The following ERCC6L2 variants were observed in gnomAD, a reference collection of about 807,000 sequenced individuals.
ERCC6L2 encodes the protein ERCC excision repair 6 like 2, also known as DNA excision repair protein ERCC-6-like 2.
ERCC6L2 carries 77 observed loss-of-function variants against 132.0 expected under a neutral mutation model. That is an observed-to-expected ratio of 0.58 (90% CI 0.49 to 0.71). ERCC6L2 has a LOEUF of 0.71. Among genes scored for constraint, ERCC6L2 ranks in the 30% least tolerant of loss-of-function variants. The pLI is 0.00. For synonymous variants in ERCC6L2, 583 were observed against 632.4 expected (o/e 0.92, Z 1.17); for missense variants, 1,542 against 1,837.6 (o/e 0.84, Z 2.94).
chr9:96,000,818 C>T lies in ERCC6L2; in HGVS notation c.3493-3702C>T, dbSNP rs576915808. Among the ~76,000 whole-genome samples the T allele has an allele frequency of 9.9e-5, 15 of 152,262 alleles. No individual in the cohort carries two copies. In the East Asian group the frequency reaches 2.7e-3, roughly 27 times the overall value. ...GAAAAATTAGCTCGGCCTGTGGGCT[C>T]GTGCTTTGTATGTCTGAAAAGTTCT... On this transcript the variant is annotated intron_variant, in intron 17 of 18. Coordinates refer to ENST00000653738, the MANE Select transcript of ERCC6L2 (RefSeq NM_020207.7).
At chr9:95,914,354 T>TA (rs1829477789) in intron 4 of ERCC6L2, among the ~76,000 whole-genome samples, 1 of 152,262 alleles carries the variant, frequency 6.6e-6, no homozygotes, top group South Asian at 2.1e-4. Context: ...TTTGTTGAGT[T>TA]ATAATAATTT....
In ERCC6L2 at chr9:95,936,797, C is replaced by A. The variant is rs561095965; in HGVS notation, c.1752-4657C>A. Among the ~76,000 whole-genome samples, 17 of 152,220 alleles carry A rather than the reference C, an allele frequency of 1.1e-4. No individual in the cohort carries two copies. The East Asian group carries it at 2.7e-3, about 24-fold the overall frequency. ...TCCTCTCTCCCCTTTCTCCCTGAGC[C>A]CTGGAAACCACTAATCTGTTCTCCA... On this transcript the variant is annotated intron_variant, in intron 11 of 18. Transcript: ENST00000653738.
At position 96,016,370 on chromosome 9, in the gene ERCC6L2, T is replaced by C. The variant is rs191733000; in HGVS notation, c.*3167T>C. On this transcript the variant is annotated 3_prime_UTR_variant, in exon 19 of 19. Coordinates refer to ENST00000653738, the MANE Select transcript of ERCC6L2 (RefSeq NM_020207.7). ...TCATTTCTAAGAAAACCTTTCAACTTTGTTTCCATGATGCTACTTGCCACA... is the reference window on the plus strand; with the variant it reads ...TCATTTCTAAGAAAACCTTTCAACTCTGTTTCCATGATGCTACTTGCCACA... Among the ~76,000 whole-genome samples, 8 of 152,300 alleles carry C rather than the reference T, an allele frequency of 5.3e-5. No homozygotes were observed. Among genetic ancestry groups the C allele is most frequent in the Non-Finnish European group, 1.2e-4 (8 of 68,024 alleles).
chr9:95,931,245 CT>C (rs1830325842), intron 11 of ERCC6L2, among the ~76,000 whole-genome samples: 1 of 152,100 alleles, frequency 6.6e-6, no homozygotes, highest in African/African-American at 2.4e-5. Flanking sequence ...TGTTTCTGCC[CT>C]TTGTAATAAT....
At chr9:95,969,447 T>G (rs781199846) in intron 14 of ERCC6L2, among the ~76,000 whole-genome samples, 6 of 152,110 alleles carry the variant, frequency 3.9e-5, no homozygotes, top group Non-Finnish European at 8.8e-5. Context: ...GCTGTATATA[T>G]TATCCAGGTG....
At chr9:95,892,151 G>GT (rs1190059442) in intron 2 of ERCC6L2, among the ~76,000 whole-genome samples, 2 of 151,658 alleles carry the variant, frequency 1.3e-5, no homozygotes, top group South Asian at 2.1e-4. Flanking sequence ...TCTACTCCTT[G>GT]TTTTTTTCAC....
intron 2 of ERCC6L2, among the ~76,000 whole-genome samples, chr9:95,886,125 C>A (rs1827853498): frequency 6.6e-6 from 1 of 152,076 alleles, no homozygotes; most frequent in Non-Finnish European, 1.5e-5. Flanking sequence ...AAGCGATCTT[C>A]CCACCTCAGC....
chr9:95,969,905 T>C (rs1387764568), intron 14 of ERCC6L2, among the ~76,000 whole-genome samples: 1 of 152,174 alleles, frequency 6.6e-6, no homozygotes. Flanking sequence ...AAATATAGCC[T>C]TAAAAAGAGA....
At chr9:95,993,298 C>T (rs909597577) in intron 17 of ERCC6L2, among the ~76,000 whole-genome samples, 2 of 152,212 alleles carry the variant, frequency 1.3e-5, no homozygotes, top group Non-Finnish European at 2.9e-5. Context: ...GGAAAGGCTT[C>T]TATCCTGCTC....
chr9:95,915,862 A>C (rs1829560017), intron 5 of ERCC6L2, 33 bp downstream of exon 5: 1 of 1,555,326 alleles, frequency 6.4e-7, no homozygotes, highest in Non-Finnish European at 8.7e-7. Context: ...AAATTGTTTA[A>C]TAGTTCTTCA....
intron 2 of ERCC6L2, among the ~76,000 whole-genome samples, chr9:95,884,657 A>G (rs570173799): frequency 2.6e-5 from 4 of 151,850 alleles, no homozygotes; most frequent in African/African-American, 4.8e-5. Context: ...AATATTTTAC[A>G]CTCTACAGGG....
At chr9:95,900,941 GC>G (rs1201646318) in intron 3 of ERCC6L2, among the ~76,000 whole-genome samples, 2 of 151,976 alleles carry the variant, frequency 1.3e-5, no homozygotes, top group African/African-American at 4.8e-5. Flanking sequence ...AGGTGTGGTG[GC>G]TTGTGCCTGT....
intron 2 of ERCC6L2, among the ~76,000 whole-genome samples, chr9:95,885,090 C>G (rs1030067451): frequency 1.3e-5 from 2 of 152,128 alleles, no homozygotes; most frequent in African/African-American, 4.8e-5. Context: ...TAACTACTAT[C>G]TTATAAGCAG....
At chr9:95,954,834 G>A in intron 12 of ERCC6L2, 1 of 471,158 alleles carries the variant, frequency 2.1e-6, no homozygotes, top group South Asian at 1.5e-5. Flanking sequence ...GTGGTGCTGT[G>A]TCACAGGAGC....
At chr9:95,907,335 AGAG>A in intron 4 of ERCC6L2, 64 bp downstream of exon 4, 16 of 883,216 alleles carry the variant, frequency 1.8e-5, no homozygotes, top group East Asian at 3.5e-5. Context: ...CTTTATATTA[AGAG>A]TTTTTTTTTT....
In ERCC6L2 at chr9:96,033,958, C is replaced by T. The variant is rs553831741; in HGVS notation, c.*1504-4918C>T. Among the ~76,000 whole-genome samples the T allele has an allele frequency of 3.9e-5, 6 of 152,312 alleles. No homozygotes were observed. The East Asian group carries it at 5.8e-4, about 15-fold the overall frequency. ...GGACGTCAACTGCAAAAGAAGGGCC[C>T]GTTGTCTGCACCAGGATTTATGTGA... On this transcript the variant is annotated intron_variant and NMD_transcript_variant, in intron 19 of 20. Coordinates refer to the ERCC6L2 transcript ENST00000670016.
chr9:96,000,002 T>A (rs898399098), intron 17 of ERCC6L2, among the ~76,000 whole-genome samples: 1 of 151,760 alleles, frequency 6.6e-6, no homozygotes, highest in Non-Finnish European at 1.5e-5. Context: ...GATTCTCTTG[T>A]CTCAGCCTCC....
At position 95,877,391 on chromosome 9, in the gene ERCC6L2, C is replaced by T. The variant is rs113880417; in HGVS notation, c.46+1307C>T. ...CTTATCTGAGATACAGTTCTTAGAC[C>T]CCTTTCCCTTTTAAATTACATTTCT... On this transcript the variant is annotated intron_variant, in intron 1 of 18. Transcript: ENST00000653738. 9.7e-3 allele frequency among the ~76,000 whole-genome samples: 1,479 copies of T among 151,866 alleles called. 15 individuals carry two copies. Among genetic ancestry groups the T allele is most frequent in the Middle Eastern group, 0.041 (12 of 294 alleles).
intron 9 of ERCC6L2, among the ~76,000 whole-genome samples, chr9:95,925,017 T>C (rs1234269164): frequency 6.6e-6 from 1 of 152,200 alleles, no homozygotes; most frequent in Non-Finnish European, 1.5e-5. Context: ...ATAGAATCAT[T>C]GCCTATGGGT....
Sources: gnomAD v4.1 joint callset for allele counts (sites outside exome capture counted in the v4.1 genomes callset) on GRCh38, gnomAD v4.1.1 for gene constraint, MANE v1.5 for transcripts, NCBI Gene and HGNC (gene_info 2026-07-23, HGNC 2026-07-21) for gene names.